TMEM182: variants seen among roughly 807,000 people sequenced by gnomAD.
The protein encoded by TMEM182 is transmembrane protein 182.
Under a neutral mutation model 26.8 loss-of-function variants are expected in TMEM182, and 20 were observed. That is an observed-to-expected ratio of 0.75 (90% CI 0.53 to 1.09). The LOEUF (loss-of-function observed/expected upper bound fraction) is 1.09. TMEM182 is among the 50% of genes least tolerant of loss of function. TMEM182 has a pLI of 0.00. For missense variants in TMEM182, 277 were observed against 275.5 expected (o/e 1.01, Z -0.04); for synonymous variants, 109 against 102.2 (o/e 1.07, Z -0.40).
At chr2:102,765,636 A>G (rs1680401348) in intron 3 of TMEM182, among the ~76,000 whole-genome samples, 1 of 152,178 alleles carries the variant, frequency 6.6e-6, no homozygotes, top group Admixed American at 6.5e-5. Context: ...ATGTAATTCC[A>G]TACATTATAA....
At chr2:102,737,095 A>G in intron 1 of TMEM182, 1 of 413,550 alleles carries the variant, frequency 2.4e-6, no homozygotes, top group South Asian at 3.7e-5. Context: ...CTATCGTTGG[A>G]GGACAGGAGG....
chr2:102,781,602 A>T (rs1280941089), intron 3 of TMEM182, among the ~76,000 whole-genome samples: 1 of 152,150 alleles, frequency 6.6e-6, no homozygotes, highest in Non-Finnish European at 1.5e-5. Context: ...CAGGGATAAG[A>T]GTAGGGGCCA....
chr2:102,760,775 C>A (rs981192130), upstream of TMEM182, among the ~76,000 whole-genome samples: 2 of 152,034 alleles, frequency 1.3e-5, no homozygotes, highest in Non-Finnish European at 2.9e-5. Context: ...CCACCATGCC[C>A]AGCTAATTTT....
chr2:102,813,199 C>T (rs1334092943), intron 4 of TMEM182, among the ~76,000 whole-genome samples: 1 of 152,158 alleles, frequency 6.6e-6, no homozygotes, highest in Non-Finnish European at 1.5e-5. Flanking sequence ...TACTGACACA[C>T]CACAACATAT....
At chr2:102,784,952 A>C (rs1190554428) in intron 3 of TMEM182, among the ~76,000 whole-genome samples, 1 of 151,996 alleles carries the variant, frequency 6.6e-6, no homozygotes, top group East Asian at 1.9e-4. Flanking sequence ...TTGTCCTGTG[A>C]CTTAGAATGC....
Position 102,823,419 on chromosome 2 carries a change from G to C in TMEM182, c.326-19993G>C, listed in dbSNP as rs1037145520. Among the ~76,000 whole-genome samples the C allele has an allele frequency of 5.9e-5, 9 of 152,064 alleles. No homozygotes were observed. The South Asian group carries it at 1.9e-3, about 32-fold the overall frequency. ...GTGATCTCAGCTGACTGCAACCTCC[G>C]CCTCCTGGGTTCAAGCGATTCTCCT... On this transcript the variant is annotated intron_variant, in intron 3 of 3. Transcript: ENST00000486293.
chr2:102,760,947 G>A (rs141701823), upstream of TMEM182, among the ~76,000 whole-genome samples: 49 of 152,130 alleles, frequency 3.2e-4, no homozygotes, highest in East Asian at 5.0e-3. Flanking sequence ...CATCCTAACA[G>A]GGCCCTTCAT....
intron 2 of TMEM182, among the ~76,000 whole-genome samples, chr2:102,763,419 A>G (rs1680295474): frequency 6.6e-6 from 1 of 152,208 alleles, no homozygotes; most frequent in African/African-American, 2.4e-5. Context: ...TTATTAGCCT[A>G]AAGCTTATTG....
At chr2:102,755,441 T>C (rs2104645604) in intron 1 of TMEM182, among the ~76,000 whole-genome samples, 1 of 152,272 alleles carries the variant, frequency 6.6e-6, no homozygotes, top group South Asian at 2.1e-4. Flanking sequence ...TAGCCTCCGA[T>C]CTTACCAGGT....
At chr2:102,769,546 A>G (rs1314943833) in intron 3 of TMEM182, among the ~76,000 whole-genome samples, 1 of 152,132 alleles carries the variant, frequency 6.6e-6, no homozygotes, top group Non-Finnish European at 1.5e-5. Context: ...ATACATGTCT[A>G]TCTTGCTTTT....
At chr2:102,740,911 A>G (rs1189798475) in intron 1 of TMEM182, among the ~76,000 whole-genome samples, 3 of 152,228 alleles carry the variant, frequency 2.0e-5, no homozygotes, top group Non-Finnish European at 4.4e-5. Context: ...TTCTATAACA[A>G]CATGGATGAA....
At chr2:102,757,575 T>G (rs1680082064), upstream of TMEM182, 1 of 152,220 alleles carries the variant, frequency 6.6e-6, no homozygotes, top group African/African-American at 2.4e-5. Context: ...TGCCACTTGG[T>G]AGAGTCTTAT....
chr2:102,838,100 G>C lies in TMEM182; in HGVS notation c.326-5312G>C, dbSNP rs181756714. ...AGTGGATGATTGTTTATAAATTCAT[G>C]AAGTCTTATTCCCTTTTTCTTGATA... On this transcript the variant is annotated intron_variant, in intron 3 of 3. Transcript: ENST00000486293. Among the ~76,000 whole-genome samples the C allele has an allele frequency of 3.0e-3, 464 of 152,330 alleles. 2 individuals carry two copies. Among genetic ancestry groups the C allele is most frequent in the African/African-American group, 0.011 (449 of 41,572 alleles).
intron 3 of TMEM182, among the ~76,000 whole-genome samples, chr2:102,794,806 C>T (rs1681800927): frequency 6.6e-6 from 1 of 151,974 alleles, no homozygotes; most frequent in African/African-American, 2.4e-5. Flanking sequence ...TTGGAGTTTG[C>T]TGAGTATCCT....
At chr2:102,809,585 T>TAA (rs1343522844) in intron 4 of TMEM182, among the ~76,000 whole-genome samples, 1 of 152,188 alleles carries the variant, frequency 6.6e-6, no homozygotes, top group African/African-American at 2.4e-5. Context: ...GTTTTCAGCT[T>TAA]AACCTATGAG....
chr2:102,746,188 A>G (rs1679690420), intron 1 of TMEM182, among the ~76,000 whole-genome samples: 1 of 152,188 alleles, frequency 6.6e-6, no homozygotes, highest in Non-Finnish European at 1.5e-5. Context: ...TCTGATGGCT[A>G]ATGATATTAA....
At position 102,815,586 on chromosome 2, in the gene TMEM182, T is replaced by C. The variant is rs1682714092; in HGVS notation, c.*618T>C. On this transcript the variant is annotated 3_prime_UTR_variant, in exon 5 of 5. Transcript: ENST00000412401. ...TTTCACCAACAGTGGTTTGGTTACC[T>C]AGTTTTATTCACTTAATTGTGCATG... is the stretch of plus-strand genomic sequence containing the variant. The C allele has an allele frequency of 1.0e-6, 1 of 985,440 alleles. No individual in the cohort carries two copies. Among genetic ancestry groups the C allele is most frequent in the Non-Finnish European group, 1.2e-6 (1 of 830,018 alleles). 61.0% of individuals were successfully genotyped at this position (985,440 alleles called of 1,614,324 possible). A position where few individuals can be genotyped will look rare whatever the true frequency, so the allele number is the denominator to read the frequency against.
At chr2:102,773,696 T>C (rs527679699) in intron 3 of TMEM182, among the ~76,000 whole-genome samples, 18 of 152,166 alleles carry the variant, frequency 1.2e-4, no homozygotes, top group African/African-American at 4.1e-4. Flanking sequence ...TATTATACAA[T>C]AACCTCTCCA....
chr2:102,751,259 C>T (rs1006848790), intron 1 of TMEM182, among the ~76,000 whole-genome samples: 15 of 152,070 alleles, frequency 9.9e-5, no homozygotes, highest in African/African-American at 3.4e-4. Flanking sequence ...CTTGAGGAGG[C>T]GGTGTCTGAT....
Sources: allele counts gnomAD v4.1 joint callset (sites outside exome capture counted in the v4.1 genomes callset), GRCh38; gene constraint gnomAD v4.1.1; transcripts MANE v1.5; gene names NCBI Gene and HGNC (gene_info 2026-07-23, HGNC 2026-07-21).